COL5A2: variants seen among roughly 807,000 people sequenced by gnomAD.
COL5A2 encodes the protein collagen alpha-2(V) chain.
COL5A2 carries 23 observed loss-of-function variants against 208.2 expected under a neutral mutation model. That is an observed-to-expected ratio of 0.11 (90% CI 0.08 to 0.16). The LOEUF is 0.16. Ranked by LOEUF, COL5A2 falls within the 10% of genes least tolerant of loss-of-function variation. The pLI is 1.00. For missense variants in COL5A2, 1,590 were observed against 1,956.4 expected (o/e 0.81, Z 3.53); for synonymous variants, 625 against 628.5 (o/e 0.99, Z 0.08).
the COL5A2 span, among the ~76,000 whole-genome samples, chr2:189,306,723 T>G: frequency 6.6e-6 from 1 of 152,238 alleles, no homozygotes; most frequent in Non-Finnish European, 1.5e-5. Context: ...GACATTGCTT[T>G]TCACAGGGAC....
Position 189,114,631 on chromosome 2 carries a change from T to TAAAA in COL5A2, c.98-4186_98-4183dup, listed in dbSNP as rs1184564981. 2.9e-4 allele frequency among the ~76,000 whole-genome samples: 36 copies of TAAAA among 122,954 alleles called. 1 individual carries two copies. Among genetic ancestry groups the TAAAA allele is most frequent in the East Asian group, 9.3e-4 (4 of 4,320 alleles). 80.7% of individuals were successfully genotyped at this position (122,954 alleles called of 152,430 possible). On this transcript the variant is annotated intron_variant, in intron 1 of 53. Transcript: ENST00000374866. ...AAGCTTAGATTCAAGGCCCAGGACT[T>TAAAA]AAAAAAAAAAAAAAAAAATGTTTCT...
At chr2:189,307,943 C>A in the COL5A2 span, among the ~76,000 whole-genome samples, 1 of 152,070 alleles carries the variant, frequency 6.6e-6, no homozygotes, top group Admixed American at 6.6e-5. Context: ...TTGGGAATGG[C>A]CTACTCTGTT....
chr2:189,043,311 C>T (rs966734919), intron 47 of COL5A2, 53 bp from the exon 48 acceptor site: 71 of 1,189,706 alleles, frequency 6.0e-5, no homozygotes, highest in Non-Finnish European at 2.9e-5. Context: ...ATTGTTGAGA[C>T]TAAAATTTAC....
intron 1 of COL5A2, among the ~76,000 whole-genome samples, chr2:189,160,732 G>T (rs1688344390): frequency 6.6e-6 from 1 of 151,506 alleles, no homozygotes; most frequent in African/African-American, 2.4e-5. Flanking sequence ...TATGCTCTAA[G>T]ACATTAAAGT....
the COL5A2 span, among the ~76,000 whole-genome samples, chr2:189,293,905 G>A: frequency 6.6e-6 from 1 of 152,118 alleles, no homozygotes. Flanking sequence ...CTAACACGGT[G>A]AAACCCCATC....
Position 189,058,547 on chromosome 2 carries a change from T to A in COL5A2, c.2131-20A>T. The A allele has an allele frequency of 1.3e-6, 2 of 1,570,438 alleles. No individual in the cohort carries two copies. Among genetic ancestry groups the A allele is most frequent in the Non-Finnish European group, 1.8e-6 (2 of 1,140,188 alleles). On this transcript the variant is annotated intron_variant, in intron 32 of 53. Transcript: ENST00000374866. ...TTCTCCCTAGCACAAAATTGGGATG[T>A]CAAATAATCTCAATACTTGATCTAA... is the stretch of plus-strand genomic sequence containing the variant.
At chr2:189,034,865 A>G (rs202015732) in intron 53 of COL5A2, 51 bp downstream of exon 53, 30 of 1,611,808 alleles carry the variant, frequency 1.9e-5, no homozygotes, top group Non-Finnish European at 2.4e-5. Flanking sequence ...ATTTTTAACA[A>G]AAATAATTTT....
intron 1 of COL5A2, among the ~76,000 whole-genome samples, chr2:189,215,127 A>C (rs2105872163): frequency 6.6e-6 from 1 of 152,282 alleles, no homozygotes; most frequent in South Asian, 2.1e-4. Context: ...GAGTATTTCA[A>C]GCTACAGTGG....
chr2:189,190,614 A>T (rs1199867457), intron 1 of COL5A2, among the ~76,000 whole-genome samples: 3 of 152,224 alleles, frequency 2.0e-5, no homozygotes, highest in African/African-American at 7.2e-5. Context: ...TTTTCTCAGT[A>T]TTCTACTCCA....
At chr2:189,439,903 G>C in the COL5A2 span, among the ~76,000 whole-genome samples, 1 of 152,174 alleles carries the variant, frequency 6.6e-6, no homozygotes, top group Admixed American at 6.5e-5. Context: ...AGGTTACAAA[G>C]TACCCAACAA....
rs930728123 is a variant in COL5A2, at chr2:189,041,216, T to C, written c.3633+370A>G. On this transcript the variant is annotated intron_variant, in intron 50 of 53. Transcript: ENST00000374866. Reference sequence around the variant, plus strand: ...GGAGAAAAACTTCAATTTCATACTCTTCATTGTCCAGCATTTCTATGGAGT... The same window carrying C: ...GGAGAAAAACTTCAATTTCATACTCCTCATTGTCCAGCATTTCTATGGAGT... Among the ~76,000 whole-genome samples, 10 of 152,328 alleles carry C rather than the reference T, an allele frequency of 6.6e-5. 2 individuals are homozygous for C. In the South Asian group the frequency reaches 1.9e-3, roughly 28 times the overall value.
chr2:189,112,459 T>C (rs114982429), intron 1 of COL5A2, among the ~76,000 whole-genome samples: 2,644 of 152,302 alleles, frequency 0.017, 66 homozygotes, highest in African/African-American at 0.061. Context: ...TTGTCAATTA[T>C]ACCTTAATAA....
intron 16 of COL5A2, among the ~76,000 whole-genome samples, chr2:189,076,135 C>A (rs767551324): frequency 3.9e-5 from 6 of 152,172 alleles, no homozygotes; most frequent in Non-Finnish European, 8.8e-5. Flanking sequence ...AAAAACCCTG[C>A]TTTTATTCAT....
chr2:189,219,786 G>A (rs1689323904), intron 1 of COL5A2, among the ~76,000 whole-genome samples: 1 of 152,122 alleles, frequency 6.6e-6, no homozygotes, highest in African/African-American at 2.4e-5. Context: ...GAACTACCGT[G>A]TAAGCCTGAC....
chr2:189,323,771 C>T, the COL5A2 span, among the ~76,000 whole-genome samples: 1 of 152,090 alleles, frequency 6.6e-6, no homozygotes, highest in Non-Finnish European at 1.5e-5. Flanking sequence ...GATTCAATGC[C>T]ATCCCCATCA....
At chr2:189,183,103 C>A (rs1234606692), upstream of COL5A2, among the ~76,000 whole-genome samples, 1 of 152,170 alleles carries the variant, frequency 6.6e-6, no homozygotes, top group Non-Finnish European at 1.5e-5. Flanking sequence ...AGTAATCCTC[C>A]ATCCCCATAT....
At chr2:189,419,880 G>GGAGGAGAGGAGAGGAGAGGA in the COL5A2 span, among the ~76,000 whole-genome samples, 2 of 146,920 alleles carry the variant, frequency 1.4e-5, no homozygotes, top group Admixed American at 6.9e-5. Flanking sequence ...AGGAGGAGGA[G>GGAGGAGAGGAGAGGAGAGGA]GAGGAGAGGA....
chr2:189,229,860 C>G (rs1328430618), upstream of COL5A2, among the ~76,000 whole-genome samples: 4 of 151,526 alleles, frequency 2.6e-5, no homozygotes, highest in African/African-American at 9.7e-5. Context: ...ACAAAGACCC[C>G]AACTGGCCAA....
intron 1 of COL5A2, among the ~76,000 whole-genome samples, chr2:189,198,480 C>T (rs188297667): frequency 6.6e-6 from 1 of 152,130 alleles, no homozygotes; most frequent in African/African-American, 2.4e-5. Context: ...GTAGAAGGTA[C>T]CACTTTTTGA....
Sources: allele counts gnomAD v4.1 joint callset (sites outside exome capture counted in the v4.1 genomes callset), GRCh38; gene constraint gnomAD v4.1.1; transcripts MANE v1.5; gene names NCBI Gene and HGNC (gene_info 2026-07-23, HGNC 2026-07-21).